SNTB1: variants seen among roughly 807,000 people sequenced by gnomAD.
The protein encoded by SNTB1 is beta-1-syntrophin.
Under a neutral mutation model 48.9 loss-of-function variants are expected in SNTB1, and 36 were observed. The observed-to-expected ratio is 0.74, with a 90% CI of 0.56 to 0.97. The LOEUF (loss-of-function observed/expected upper bound fraction) is 0.97, where lower values mean the gene tolerates loss of function less well. SNTB1 is among the 50% of genes least tolerant of loss of function. The pLI is 0.00. For missense variants in SNTB1, 786 were observed against 703.4 expected (o/e 1.12, Z -1.33); for synonymous variants, 299 against 294.6 (o/e 1.01, Z -0.15).
At chr8:120,578,919 A>C (rs1164239929) in intron 3 of SNTB1, among the ~76,000 whole-genome samples, 1 of 152,208 alleles carries the variant, frequency 6.6e-6, no homozygotes, top group East Asian at 1.9e-4. Context: ...GCTCAGGCCT[A>C]TAATCCCAGC....
chr8:120,557,158 GA>G (rs1563816580), intron 4 of SNTB1, among the ~76,000 whole-genome samples: 1 of 152,208 alleles, frequency 6.6e-6, no homozygotes, highest in Non-Finnish European at 1.5e-5. Flanking sequence ...AGTTTGTCTG[GA>G]AAAGAGAAGA....
At chr8:120,688,784 G>A (rs1818076092) in intron 2 of SNTB1, among the ~76,000 whole-genome samples, 1 of 152,184 alleles carries the variant, frequency 6.6e-6, no homozygotes, top group Admixed American at 6.5e-5. Context: ...GCCTAAAGGG[G>A]TTTTTATGTA....
chr8:120,609,780 T>C (rs772024165), intron 3 of SNTB1, among the ~76,000 whole-genome samples: 22 of 152,244 alleles, frequency 1.4e-4, no homozygotes, highest in Non-Finnish European at 2.8e-4. Context: ...CACTTTGTTA[T>C]TACATATTAC....
At chr8:120,704,467 A>G (rs1818350612) in intron 1 of SNTB1, among the ~76,000 whole-genome samples, 1 of 149,822 alleles carries the variant, frequency 6.7e-6, no homozygotes, top group Non-Finnish European at 1.5e-5. Context: ...AAAAAAAAAG[A>G]GAAAAAACAA....
intron 3 of SNTB1, among the ~76,000 whole-genome samples, chr8:120,587,699 C>G (rs1387825606): frequency 6.6e-6 from 1 of 152,224 alleles, no homozygotes; most frequent in Admixed American, 6.5e-5. Context: ...TATGTGCTCT[C>G]TCACGGACCT....
In SNTB1 at chr8:120,548,724, G is replaced by A. The variant is rs753124781; in HGVS notation, c.1333+38C>T. The A allele has an allele frequency of 3.1e-5, 50 of 1,595,128 alleles. 1 individual carries two copies. Among genetic ancestry groups the A allele is most frequent in the South Asian group, 1.1e-4 (10 of 90,372 alleles). Reference sequence around the variant, plus strand: ...GGTGGAGTAGAGGGTTCATCTTCCCGTAACAATGTGTCCTTGGTAGCTCAC... The same window carrying A: ...GGTGGAGTAGAGGGTTCATCTTCCCATAACAATGTGTCCTTGGTAGCTCAC... On this transcript the variant is annotated intron_variant, in intron 5 of 6. Transcript: ENST00000517992.
chr8:120,717,190 G>T (rs1261299323), intron 1 of SNTB1, among the ~76,000 whole-genome samples: 1 of 152,226 alleles, frequency 6.6e-6, no homozygotes, highest in Non-Finnish European at 1.5e-5. Context: ...CTCGGATTCT[G>T]ATCCTCAGGC....
chr8:120,595,213 T>C (rs542254862), intron 3 of SNTB1, among the ~76,000 whole-genome samples: 1 of 152,274 alleles, frequency 6.6e-6, no homozygotes, highest in Admixed American at 6.5e-5. Flanking sequence ...TGAGTCCTAC[T>C]GGGCTGCATT....
intron 2 of SNTB1, among the ~76,000 whole-genome samples, chr8:120,677,349 C>A (rs1490432268): frequency 6.6e-6 from 1 of 152,186 alleles, no homozygotes; most frequent in Non-Finnish European, 1.5e-5. Context: ...TGATTCAAGG[C>A]CTGTCTCTGT....
rs142401429 is a variant in SNTB1 at position 120,699,478 on chromosome 8, G to A, written c.572-5570C>T. Among the ~76,000 whole-genome samples the A allele has an allele frequency of 3.4e-3, 513 of 152,104 alleles. 5 individuals carry two copies. Among genetic ancestry groups the A allele is most frequent in the African/African-American group, 0.012 (483 of 41,510 alleles). ...GGACCTCCCCCTTCTCTCTCCCTTTGTCCCATTCTTGCCATATGATGTGCT... is the reference window on the plus strand; with the variant it reads ...GGACCTCCCCCTTCTCTCTCCCTTTATCCCATTCTTGCCATATGATGTGCT... On this transcript the variant is annotated intron_variant, in intron 1 of 6. Coordinates refer to ENST00000517992, the MANE Select transcript of SNTB1 (RefSeq NM_021021.4).
intron 1 of SNTB1, among the ~76,000 whole-genome samples, chr8:120,803,986 C>G (rs183163786): frequency 3.9e-4 from 60 of 152,130 alleles, no homozygotes; most frequent in Non-Finnish European, 7.9e-4. Flanking sequence ...TTTCGTCAAC[C>G]ATCTTTAAAG....
chr8:120,641,665 A>G (rs183679888), intron 2 of SNTB1, among the ~76,000 whole-genome samples: 1 of 152,300 alleles, frequency 6.6e-6, no homozygotes, highest in East Asian at 1.9e-4. Flanking sequence ...ATACAGACGG[A>G]AAAGTTCACA....
chr8:120,721,984 C>T (rs912680630), intron 1 of SNTB1, among the ~76,000 whole-genome samples: 3 of 149,368 alleles, frequency 2.0e-5, no homozygotes, highest in African/African-American at 7.4e-5. Context: ...TGAGAACATG[C>T]AGTGTTTGGT....
At chr8:120,808,674 G>A (rs907137877) in intron 1 of SNTB1, among the ~76,000 whole-genome samples, 1 of 152,192 alleles carries the variant, frequency 6.6e-6, no homozygotes, top group Non-Finnish European at 1.5e-5. Flanking sequence ...TGAAGACACT[G>A]AGACTCAGGG....
chr8:120,549,758 C>T (rs1815447465), intron 4 of SNTB1, among the ~76,000 whole-genome samples: 1 of 152,216 alleles, frequency 6.6e-6, no homozygotes, highest in Non-Finnish European at 1.5e-5. Context: ...ACACTGGGAT[C>T]TTTCATGTCT....
chr8:120,738,454 GTTA>G (rs1818984941), intron 1 of SNTB1, among the ~76,000 whole-genome samples: 1 of 152,098 alleles, frequency 6.6e-6, no homozygotes, highest in Non-Finnish European at 1.5e-5. Context: ...TAGGGTAAGA[GTTA>G]TTATTATCTT....
chr8:120,803,404 A>C (rs1820265958), intron 1 of SNTB1, among the ~76,000 whole-genome samples: 1 of 152,218 alleles, frequency 6.6e-6, no homozygotes, highest in South Asian at 2.1e-4. Context: ...GCATCATTAT[A>C]GGTCAAGGCC....
chr8:120,589,761 C>A (rs1006671213), intron 3 of SNTB1, among the ~76,000 whole-genome samples: 1 of 152,116 alleles, frequency 6.6e-6, no homozygotes, highest in African/African-American at 2.4e-5. Context: ...CCCCTCATAA[C>A]CTAATGACCC....
intron 3 of SNTB1, among the ~76,000 whole-genome samples, chr8:120,597,719 T>G (rs1158914466): frequency 6.6e-6 from 1 of 152,238 alleles, no homozygotes; most frequent in Non-Finnish European, 1.5e-5. Context: ...CCAATGAATT[T>G]GCTGATCTGT....
Sources: allele counts gnomAD v4.1 joint callset (sites outside exome capture counted in the v4.1 genomes callset), GRCh38; gene constraint gnomAD v4.1.1; transcripts MANE v1.5; gene names NCBI Gene and HGNC (gene_info 2026-07-23, HGNC 2026-07-21).